Variants in EVC observed in about 807,000 individuals in gnomAD.
EVC encodes the protein evC complex member EVC.
EVC carries 116 observed loss-of-function variants against 118.9 expected under a neutral mutation model. The ratio of observed to expected loss-of-function variants is 0.98; its 90% CI spans 0.84 to 1.14. EVC has a LOEUF of 1.14. Ranked by LOEUF, EVC falls within the 50% of genes most tolerant of loss-of-function variation. EVC has a pLI of 0.00. For synonymous variants in EVC, 619 were observed against 534.7 expected, an observed-to-expected ratio of 1.16 and a Z score of -2.18; for missense variants, 1,401 against 1,246.4, an observed-to-expected ratio of 1.12 and a Z score of -1.87.
downstream of EVC, among the ~76,000 whole-genome samples, chr4:5,816,933 C>A (rs184700557): frequency 6.6e-6 from 1 of 152,228 alleles, no homozygotes; most frequent in African/African-American, 2.4e-5. Flanking sequence ...TGGGCCCAGG[C>A]AACCCTAGAG....
intron 2 of EVC, among the ~76,000 whole-genome samples, chr4:5,722,060 T>A (rs1725043057): frequency 6.6e-6 from 1 of 152,188 alleles, no homozygotes; most frequent in African/African-American, 2.4e-5. Context: ...GCTAGAATCC[T>A]GGAACCCAGT....
chr4:5,805,389 G>A (rs1481034289), intron 17 of EVC, among the ~76,000 whole-genome samples: 2 of 152,218 alleles, frequency 1.3e-5, no homozygotes, highest in Non-Finnish European at 2.9e-5. Context: ...CACAAGGCCT[G>A]AGCGAAGGGG....
chr4:5,724,329 G>A (rs760750799), intron 2 of EVC, among the ~76,000 whole-genome samples: 1 of 152,184 alleles, frequency 6.6e-6, no homozygotes, highest in Non-Finnish European at 1.5e-5. Flanking sequence ...TGGTCGGTTG[G>A]ATGTGGGGAC....
At chr4:5,748,678 A>G (rs1729823504) in intron 8 of EVC, among the ~76,000 whole-genome samples, 2 of 97,164 alleles carry the variant, frequency 2.1e-5, no homozygotes, top group African/African-American at 5.9e-5. Flanking sequence ...CCATCCATCC[A>G]TCCACCCACC....
chr4:5,724,884 C>A (rs1469901960), intron 2 of EVC, among the ~76,000 whole-genome samples: 1 of 152,036 alleles, frequency 6.6e-6, no homozygotes, highest in Admixed American at 6.6e-5. Context: ...TCCCCTCGCC[C>A]CCGACAGGCC....
rs538764218 is a variant in EVC at position 5,730,757 on chromosome 4, G to A, written c.385-668G>A. ...AACAAATGGGGGGTGTTTCAGGTAGGGGGACCAAAGTCTGGAAAGGCCAGA... is the reference window on the plus strand; with the variant it reads ...AACAAATGGGGGGTGTTTCAGGTAGAGGGACCAAAGTCTGGAAAGGCCAGA... On this transcript the variant is annotated intron_variant, in intron 3 of 20. Coordinates refer to ENST00000264956, the MANE Select transcript of EVC (RefSeq NM_153717.3). Among the ~76,000 whole-genome samples the A allele has an allele frequency of 7.2e-5, 11 of 152,160 alleles. 1 individual carries two copies. Among genetic ancestry groups the A allele is most frequent in the Admixed American group, 1.3e-4 (2 of 15,292 alleles).
intron 11 of EVC, among the ~76,000 whole-genome samples, chr4:5,774,512 C>A (rs1016934264): frequency 6.6e-6 from 1 of 152,008 alleles, no homozygotes; most frequent in African/African-American, 2.4e-5. Context: ...ACAGATAAGA[C>A]TGAGCCTTGA....
In EVC at chr4:5,742,099, A is replaced by T. The variant is rs1250940250; in HGVS notation, c.801+285A>T. Among the ~76,000 whole-genome samples the T allele has an allele frequency of 1.3e-5, 2 of 152,186 alleles. No homozygotes were observed. The highest frequency in any genetic ancestry group is 4.8e-5 in the African/African-American group (2 of 41,452). On this transcript the variant is annotated intron_variant, in intron 6 of 20. Transcript: ENST00000264956. This position sits in a 1 kb window ranked among gnomAD's most constrained non-coding sequence, Gnocchi z 5.2. ...TTCTGCACACATTTGGGATATTTTT[A>T]AAGACATAATTTGTTTATTGGTTAT...
At chr4:5,794,760 T>C (rs973457618) in intron 13 of EVC, among the ~76,000 whole-genome samples, 3 of 152,152 alleles carry the variant, frequency 2.0e-5, no homozygotes, top group African/African-American at 7.2e-5. Context: ...TTTTCAACTT[T>C]TATTTTAGAT....
the EVC span, chr4:5,825,795 G>A: frequency 1.0e-5 from 8 of 789,824 alleles, no homozygotes; most frequent in South Asian, 5.3e-5. This position sits in a 1 kb window ranked among gnomAD's most constrained non-coding sequence, Gnocchi z 4.4. Context: ...CACACAACAC[G>A]CACACACGAC....
the EVC span, among the ~76,000 whole-genome samples, chr4:5,823,867 A>G: frequency 1.3e-5 from 2 of 152,182 alleles, no homozygotes; most frequent in African/African-American, 4.8e-5. Flanking sequence ...ACACTAACTC[A>G]TGGTACAGCT....
rs542814358 is a variant in EVC at position 5,739,953 on chromosome 4, T to C, written c.703-1763T>C. ...CACCAAAGAAAAAGAAAATGCCTTA[T>C]TATATCTAAATGACCATATTATATC... On this transcript the variant is annotated intron_variant, in intron 5 of 20. Transcript: ENST00000264956. 3.3e-5 allele frequency among the ~76,000 whole-genome samples: 5 copies of C among 150,798 alleles called. No homozygotes were observed. In the South Asian group the frequency reaches 6.3e-4, roughly 19 times the overall value.
At chr4:5,828,856 C>T in the EVC span, among the ~76,000 whole-genome samples, 2 of 152,062 alleles carry the variant, frequency 1.3e-5, no homozygotes, top group African/African-American at 4.8e-5. Flanking sequence ...AACAACTCAC[C>T]GTTGCGCATG....
In EVC at chr4:5,747,889, T is replaced by G. The variant is rs57112774; in HGVS notation, c.940-259T>G. On this transcript the variant is annotated intron_variant, in intron 7 of 20. Transcript: ENST00000264956. ...GTCTGTAGGCTGGACAAGCTACTGCTTTCTTTCCTTAGCAGCAGTGCTCTC... is the reference window on the plus strand; with the variant it reads ...GTCTGTAGGCTGGACAAGCTACTGCGTTCTTTCCTTAGCAGCAGTGCTCTC... Among the ~76,000 whole-genome samples, 16,502 of 152,204 alleles carry G rather than the reference T, an allele frequency of 0.11. 1,062 individuals are homozygous for G. Among genetic ancestry groups the G allele is most frequent in the East Asian group, 0.3 (1,554 of 5,148 alleles).
chr4:5,774,687 T>C (rs1734461778), intron 11 of EVC, among the ~76,000 whole-genome samples: 1 of 152,100 alleles, frequency 6.6e-6, no homozygotes, highest in Non-Finnish European at 1.5e-5. Flanking sequence ...TGTATTTGCC[T>C]GGGCTGTGTG....
chr4:5,768,137 G>A (rs1733264643), intron 11 of EVC, among the ~76,000 whole-genome samples: 1 of 152,242 alleles, frequency 6.6e-6, no homozygotes, highest in South Asian at 2.1e-4. Context: ...GGAAGGTAGG[G>A]AGAAAGGGGC....
Position 5,756,871 on chromosome 4 carries a change from G to T in EVC, c.1563+509G>T, listed in dbSNP as rs959031383. 1.3e-5 allele frequency among the ~76,000 whole-genome samples: 2 copies of T among 152,152 alleles called. No individual in the cohort carries two copies. Among genetic ancestry groups the T allele is most frequent in the Admixed American group, 6.5e-5 (1 of 15,280 alleles). On this transcript the variant is annotated intron_variant, in intron 11 of 20. Coordinates refer to ENST00000264956, the MANE Select transcript of EVC (RefSeq NM_153717.3). The surrounding 1 kb of genome is among the most constrained non-coding windows in gnomAD (Gnocchi z 4.2). ...GAGAGGGCACCTGAGCCCTCTTTAG[G>T]GGCAGGAGTCACAGGATGCCATGCT...
intron 14 of EVC, among the ~76,000 whole-genome samples, chr4:5,797,720 A>G (rs1714242656): frequency 6.6e-6 from 1 of 152,246 alleles, no homozygotes; most frequent in African/African-American, 2.4e-5. Context: ...CAATTTAACC[A>G]TAACAAGTGG....
intron 5 of EVC, among the ~76,000 whole-genome samples, chr4:5,734,011 C>T (rs1727270306): frequency 6.6e-6 from 1 of 152,094 alleles, no homozygotes; most frequent in Admixed American, 6.6e-5. Flanking sequence ...ACTGAATGAA[C>T]AAGAACTCAG....
Sources: allele counts gnomAD v4.1 joint callset (sites outside exome capture counted in the v4.1 genomes callset), GRCh38; gene constraint gnomAD v4.1.1; non-coding constraint Gnocchi (gnomAD v3.1); transcripts MANE v1.5; gene names NCBI Gene and HGNC (gene_info 2026-07-23, HGNC 2026-07-21).